RIC8B: variants seen among roughly 807,000 people sequenced by gnomAD.
RIC8B encodes chaperone Ric-8B.
RIC8B carries 16 observed loss-of-function variants against 57.5 expected under a neutral mutation model. That is an observed-to-expected ratio of 0.28 (90% CI 0.19 to 0.42). The LOEUF (loss-of-function observed/expected upper bound fraction) is 0.42. Ranked by LOEUF, RIC8B falls within the 10% of genes least tolerant of loss-of-function variation. RIC8B has a pLI of 1.00. For missense variants in RIC8B, 481 were observed against 677.0 expected (o/e 0.71, Z 3.21); for synonymous variants, 216 against 250.8 (o/e 0.86, Z 1.31).
chr12:106,816,884 A>G (rs959035786), intron 3 of RIC8B, among the ~76,000 whole-genome samples: 2 of 152,208 alleles, frequency 1.3e-5, no homozygotes, highest in Admixed American at 1.3e-4. Context: ...GTTATAGAAT[A>G]TTTATTCTTC....
chr12:106,866,565 A>T (rs1032362576), intron 8 of RIC8B, among the ~76,000 whole-genome samples: 2 of 152,114 alleles, frequency 1.3e-5, no homozygotes, highest in African/African-American at 4.8e-5. Flanking sequence ...CCCTTTCCTA[A>T]AAACCCTGAT....
intron 4 of RIC8B, among the ~76,000 whole-genome samples, chr12:106,832,544 GAGAC>G (rs2046399383): frequency 6.7e-6 from 1 of 149,248 alleles, no homozygotes; most frequent in Non-Finnish European, 1.5e-5. Context: ...TCCAGCCTGG[GAGAC>G]AGAGCAAGAC....
Position 106,842,601 on chromosome 12 carries a change from C to T in RIC8B, c.849C>T (p.Asn283=). Residue 283 remains asparagine (N), a synonymous_variant, in exon 5 of 10, where the codon AAC becomes AAT. Coordinates refer to ENST00000392837, the MANE Select transcript of RIC8B (RefSeq NM_001330145.2). ...KTEELHSNAV[N]LLSNVPVSCL... ...AATTGCTTTTCAGCAATGCAGTCAACCTTTTAAGCAATGTTCCAGTCTCTT... is the reference window on the plus strand; with the variant it reads ...AATTGCTTTTCAGCAATGCAGTCAATCTTTTAAGCAATGTTCCAGTCTCTT... 1.2e-6 allele frequency: 2 copies of T among 1,613,052 alleles called. No individual in the cohort carries two copies. The highest frequency in any genetic ancestry group is 4.5e-5 in the East Asian group (2 of 44,862).
chr12:106,798,010 A>G, intron 2 of RIC8B: 1 of 709,598 alleles, frequency 1.4e-6, no homozygotes, highest in Non-Finnish European at 2.6e-6. Flanking sequence ...GGAGAACATA[A>G]AGCTTTGACA....
chr12:106,809,683 G>GA (rs1210483111), intron 2 of RIC8B, among the ~76,000 whole-genome samples: 6 of 147,188 alleles, frequency 4.1e-5, no homozygotes, highest in African/African-American at 5.0e-5. Flanking sequence ...TCCAAAATTT[G>GA]AAACAAAAAA....
At chr12:106,800,856 T>A (rs1052252861) in intron 2 of RIC8B, among the ~76,000 whole-genome samples, 1 of 152,200 alleles carries the variant, frequency 6.6e-6, no homozygotes, top group Non-Finnish European at 1.5e-5. Context: ...GCAAAGGGGC[T>A]GCTATAGGAC....
intron 9 of RIC8B, among the ~76,000 whole-genome samples, chr12:106,877,538 A>G (rs1356142027): frequency 6.6e-6 from 1 of 152,196 alleles, no homozygotes; most frequent in East Asian, 1.9e-4. Context: ...AATAGCTTAT[A>G]TTTTAAAACA....
At chr12:106,783,520 C>G (rs561704048) in intron 1 of RIC8B, among the ~76,000 whole-genome samples, 24 of 152,348 alleles carry the variant, frequency 1.6e-4, no homozygotes, top group African/African-American at 5.3e-4. Flanking sequence ...AAGGCCCTTC[C>G]AAATCACTGT....
intron 2 of RIC8B, among the ~76,000 whole-genome samples, chr12:106,787,338 T>C (rs2044076511): frequency 6.6e-6 from 1 of 152,226 alleles, no homozygotes; most frequent in Non-Finnish European, 1.5e-5. Context: ...AGGCTCTTTT[T>C]AGACTTAGAC....
intron 2 of RIC8B, among the ~76,000 whole-genome samples, chr12:106,805,327 T>A (rs2136244089): frequency 6.6e-6 from 1 of 152,264 alleles, no homozygotes. Context: ...AATCATTCAG[T>A]CAATTCTGCA....
intron 3 of RIC8B, among the ~76,000 whole-genome samples, chr12:106,817,707 C>G (rs1301160486): frequency 2.0e-5 from 3 of 151,842 alleles, no homozygotes; most frequent in African/African-American, 7.3e-5. Flanking sequence ...CGCCTGTAGT[C>G]CCAGCTATTC....
At chr12:106,795,625 T>A (rs987837770) in intron 2 of RIC8B, among the ~76,000 whole-genome samples, 2 of 152,166 alleles carry the variant, frequency 1.3e-5, no homozygotes, top group African/African-American at 4.8e-5. Flanking sequence ...TGCTCCTTAA[T>A]GTACATGTGG....
At chr12:106,824,448 TTA>T (rs2045999695) in intron 3 of RIC8B, among the ~76,000 whole-genome samples, 1 of 152,190 alleles carries the variant, frequency 6.6e-6, no homozygotes, top group Admixed American at 6.5e-5. Context: ...ATGGTCCACA[TTA>T]TGAGTTGTGA....
chr12:106,842,704 A>G lies in RIC8B; in HGVS notation c.952A>G (p.Asn318Asp), dbSNP rs1237934515. The G allele has an allele frequency of 6.2e-7, 1 of 1,613,874 alleles. No individual in the cohort carries two copies. Among genetic ancestry groups the G allele is most frequent in the African/African-American group, 1.3e-5 (1 of 74,952 alleles). ...AACGACTCTAGATGAACTGCCCAGTAATAAAACAGCTGAGAAAGAAACAGT... is the reference window on the plus strand; with the variant it reads ...AACGACTCTAGATGAACTGCCCAGTGATAAAACAGCTGAGAAAGAAACAGT... ...EATTLDELPS[N>D]KTAEKETVLK... The change falls in exon 5 of 10, where the codon AAT becomes GAT. Residue 318 changes from asparagine to aspartate, a missense_variant. Transcript: ENST00000392837.
At position 106,804,564 on chromosome 12, in the gene RIC8B, G is replaced by A. The variant is rs138473196; in HGVS notation, c.133-10132G>A. Among the ~76,000 whole-genome samples, 122 of 152,338 alleles carry A rather than the reference G, an allele frequency of 8.0e-4. 2 individuals are homozygous for A. The East Asian group carries it at 0.021, about 27-fold the overall frequency. On this transcript the variant is annotated intron_variant, in intron 2 of 9. Transcript: ENST00000392837. ...GTAAGGAAGTAAATAAATTGGTCAG[G>A]TGGCAGCTGGGAATCAAATCCAGAG...
chr12:106,794,069 G>A (rs1046806606), intron 2 of RIC8B, among the ~76,000 whole-genome samples: 6 of 152,142 alleles, frequency 3.9e-5, no homozygotes, highest in African/African-American at 1.4e-4. Context: ...CAGATGTAAT[G>A]AAGTCACATA....
intron 2 of RIC8B, among the ~76,000 whole-genome samples, chr12:106,812,179 T>G (rs2045363930): frequency 6.6e-6 from 1 of 152,176 alleles, no homozygotes; most frequent in Non-Finnish European, 1.5e-5. Flanking sequence ...TAGTGAGAAA[T>G]GGTATGTTCA....
At chr12:106,837,639 G>T (rs866654761) in intron 4 of RIC8B, among the ~76,000 whole-genome samples, 5,108 of 114,610 alleles carry the variant, frequency 0.045, 111 homozygotes, top group South Asian at 0.1. Context: ...AAAATCTTTT[G>T]TTTTTTTTTT....
intron 6 of RIC8B, 86 bp downstream of exon 6, chr12:106,844,033 ATTTT>A: frequency 2.1e-6 from 2 of 962,038 alleles, no homozygotes; most frequent in Non-Finnish European, 3.3e-6. Flanking sequence ...TCTCACAATG[ATTTT>A]GTTTCAGATA....
Sources: gnomAD v4.1 joint callset for allele counts (sites outside exome capture counted in the v4.1 genomes callset) on GRCh38, gnomAD v4.1.1 for gene constraint, MANE v1.5 for transcripts, NCBI Gene and HGNC (gene_info 2026-07-23, HGNC 2026-07-21) for gene names.